SLC1A1: variants seen among roughly 807,000 people sequenced by gnomAD.
SLC1A1 encodes the protein excitatory amino acid transporter 3.
Under a neutral mutation model 53.3 loss-of-function variants are expected in SLC1A1, and 43 were observed. The ratio of observed to expected loss-of-function variants is 0.81; its 90% CI spans 0.63 to 1.04. SLC1A1 has a LOEUF of 1.04. Ranked by LOEUF, SLC1A1 falls within the 50% of genes least tolerant of loss-of-function variation. The pLI is 0.00. For missense variants in SLC1A1, 748 were observed against 664.9 expected, an observed-to-expected ratio of 1.12 and a Z score of -1.37; for synonymous variants, 307 against 243.2, an observed-to-expected ratio of 1.26 and a Z score of -2.44.
intron 10 of SLC1A1, among the ~76,000 whole-genome samples, chr9:4,578,156 C>G (rs1190183878): frequency 6.6e-6 from 1 of 152,220 alleles, no homozygotes; most frequent in East Asian, 1.9e-4. Flanking sequence ...ATAGGTCTGG[C>G]TGCAGATACA....
At chr9:4,517,543 G>C (rs1188892732) in intron 1 of SLC1A1, among the ~76,000 whole-genome samples, 1 of 152,180 alleles carries the variant, frequency 6.6e-6, no homozygotes, top group Non-Finnish European at 1.5e-5. Flanking sequence ...TGATTGCTGT[G>C]ATATTTGCTT....
chr9:4,561,344 G>T (rs1379281050), intron 2 of SLC1A1, 105 bp from the exon 3 acceptor site: 4 of 782,996 alleles, frequency 5.1e-6, no homozygotes, highest in South Asian at 1.3e-5. Context: ...GTCTGTAGAT[G>T]AGAACGCCTC....
At position 4,526,853 on chromosome 9, in the gene SLC1A1, T is replaced by A. The variant is rs185485927; in HGVS notation, c.92-17714T>A. Among the ~76,000 whole-genome samples the A allele has an allele frequency of 5.5e-3, 832 of 151,934 alleles. 8 individuals are homozygous for A. Among genetic ancestry groups the A allele is most frequent in the South Asian group, 0.034 (164 of 4,786 alleles). On this transcript the variant is annotated intron_variant, in intron 1 of 11. Transcript: ENST00000262352. ...CAAGATTGCTACTTCTTGGCAAACA[T>A]ACCCTGCATAATCCCCTTACTTTAA...
At chr9:4,512,044 A>G (rs531680944) in intron 1 of SLC1A1, among the ~76,000 whole-genome samples, 6 of 152,366 alleles carry the variant, frequency 3.9e-5, no homozygotes, top group Admixed American at 1.3e-4. Context: ...TAAAACACTG[A>G]TGAAAGAAAT....
intron 1 of SLC1A1, among the ~76,000 whole-genome samples, chr9:4,528,050 T>C (rs1470196193): frequency 6.6e-6 from 1 of 152,160 alleles, no homozygotes; most frequent in Non-Finnish European, 1.5e-5. Context: ...TAGTAAAGTC[T>C]CATTTAAACC....
intron 1 of SLC1A1, among the ~76,000 whole-genome samples, chr9:4,535,938 T>C (rs1816657618): frequency 6.6e-6 from 1 of 152,104 alleles, no homozygotes; most frequent in African/African-American, 2.4e-5. Context: ...AAACAAGAAA[T>C]GGGGAAAGGA....
intron 1 of SLC1A1, among the ~76,000 whole-genome samples, chr9:4,530,818 C>G (rs1338006116): frequency 6.6e-6 from 1 of 152,176 alleles, no homozygotes; most frequent in Non-Finnish European, 1.5e-5. Context: ...GTTATTGCCT[C>G]TTTTTGAATT....
chr9:4,536,209 C>T (rs201566863), intron 1 of SLC1A1, among the ~76,000 whole-genome samples: 2 of 152,000 alleles, frequency 1.3e-5, no homozygotes, highest in Non-Finnish European at 2.9e-5. Context: ...CTCATTAAAC[C>T]AAAGAGCTTC....
At chr9:4,520,304 G>C (rs1816023183) in intron 1 of SLC1A1, among the ~76,000 whole-genome samples, 1 of 152,140 alleles carries the variant, frequency 6.6e-6, no homozygotes, top group African/African-American at 2.4e-5. Context: ...AAAGGAAAAA[G>C]AAAAGTTTCA....
rs531930952 is a variant in SLC1A1, at chr9:4,522,933, T to C, written c.92-21634T>C. ...CTGCCAAACCATATCACCATCCTAG[T>C]ACTGGCTGCAGCTTCCTTTAATTAC... On this transcript the variant is annotated intron_variant, in intron 1 of 11. Transcript: ENST00000262352. Among the ~76,000 whole-genome samples the C allele has an allele frequency of 1.1e-4, 16 of 152,344 alleles. No individual in the cohort carries two copies. In the South Asian group the frequency reaches 3.3e-3, roughly 32 times the overall value.
chr9:4,567,295 T>G (rs1007956985), intron 5 of SLC1A1, among the ~76,000 whole-genome samples: 1 of 152,214 alleles, frequency 6.6e-6, no homozygotes, highest in Non-Finnish European at 1.5e-5. Flanking sequence ...TAAAAATCAT[T>G]TATTAATTAA....
chr9:4,523,539 A>T (rs1003995033), intron 1 of SLC1A1, among the ~76,000 whole-genome samples: 2 of 152,232 alleles, frequency 1.3e-5, no homozygotes, highest in Non-Finnish European at 2.9e-5. Context: ...TAGACTGAGG[A>T]AAGAATTTTG....
In SLC1A1 at chr9:4,544,917, C is replaced by T. The variant is rs554403547; in HGVS notation, c.232+210C>T. Among the ~76,000 whole-genome samples, 256 of 152,268 alleles carry T rather than the reference C, an allele frequency of 1.7e-3. 3 individuals are homozygous for T. Among genetic ancestry groups the T allele is most frequent in the South Asian group, 3.3e-3 (16 of 4,822 alleles). ...CACAAGGTGGCAGGAAGGAGAAAGG[C>T]TGGGCGAAGCAGGAAGAGCCCGTTA... is the stretch of plus-strand genomic sequence containing the variant. On this transcript the variant is annotated intron_variant, in intron 2 of 11. Coordinates refer to ENST00000262352, the MANE Select transcript of SLC1A1 (RefSeq NM_004170.6).
At chr9:4,505,264 G>A (rs1462401630) in intron 1 of SLC1A1, among the ~76,000 whole-genome samples, 3 of 151,986 alleles carry the variant, frequency 2.0e-5, no homozygotes, top group Non-Finnish European at 4.4e-5. Flanking sequence ...GGCCAGGCTG[G>A]TCTTGAACTT....
intron 1 of SLC1A1, among the ~76,000 whole-genome samples, chr9:4,520,787 G>C (rs1816042890): frequency 6.6e-6 from 1 of 152,220 alleles, no homozygotes; most frequent in Non-Finnish European, 1.5e-5. Context: ...ATCTAGGCAT[G>C]CAATTGCTGG....
rs1324302308 is a variant in SLC1A1 at position 4,583,483 on chromosome 9, C to A, written c.1328+311C>A. Among the ~76,000 whole-genome samples, 1 of 152,198 alleles carries A rather than the reference C, an allele frequency of 6.6e-6. No individual in the cohort carries two copies. The highest frequency in any genetic ancestry group is 6.5e-5 in the Admixed American group (1 of 15,274). The stretch of plus-strand genomic sequence containing the variant: ...GAGAAGCCAGGCAGGGCCCCAGAGC[C>A]ATCCTGACCTATCCCAGCCCTGGTT... On this transcript the variant is annotated intron_variant, in intron 11 of 11. Coordinates refer to ENST00000262352, the MANE Select transcript of SLC1A1 (RefSeq NM_004170.6). The surrounding 1 kb of genome is among the most constrained non-coding windows in gnomAD (Gnocchi z 4.6).
At chr9:4,541,781 T>C (rs1468602292) in intron 1 of SLC1A1, among the ~76,000 whole-genome samples, 2 of 152,150 alleles carry the variant, frequency 1.3e-5, no homozygotes, top group Non-Finnish European at 1.5e-5. Flanking sequence ...GTTCTGGGAG[T>C]GGCCTTACCA....
chr9:4,501,790 C>CA (rs1194534231), intron 1 of SLC1A1, among the ~76,000 whole-genome samples: 2 of 151,490 alleles, frequency 1.3e-5, no homozygotes, highest in African/African-American at 2.4e-5. Context: ...CAAAACAAAA[C>CA]AAAGAAAACT....
In SLC1A1 at chr9:4,562,688, A is replaced by G. The variant is rs151254146; in HGVS notation, c.325+1147A>G. ...TGGTGTTTGGTTTTTTGTTCTTGCA[A>G]TAGTTTACTGAGAATGATGATTTCC... On this transcript the variant is annotated intron_variant, in intron 3 of 11. Coordinates refer to ENST00000262352, the MANE Select transcript of SLC1A1 (RefSeq NM_004170.6). 2.1e-3 allele frequency among the ~76,000 whole-genome samples: 318 copies of G among 152,152 alleles called. 2 individuals are homozygous for G. Among genetic ancestry groups the G allele is most frequent in the African/African-American group, 7.2e-3 (298 of 41,500 alleles).
Sources: gnomAD v4.1 joint callset for allele counts (sites outside exome capture counted in the v4.1 genomes callset) on GRCh38, gnomAD v4.1.1 for gene constraint, Gnocchi (gnomAD v3.1) non-coding constraint, MANE v1.5 for transcripts, NCBI Gene and HGNC (gene_info 2026-07-23, HGNC 2026-07-21) for gene names.